C10orf90: variants seen among roughly 807,000 people sequenced by gnomAD.
C10orf90 encodes the protein chromosome 10 open reading frame 90.
C10orf90 carries 56 observed loss-of-function variants against 62.5 expected under a neutral mutation model. The ratio of observed to expected loss-of-function variants is 0.90; its 90% CI spans 0.72 to 1.12. The LOEUF is 1.12. C10orf90 is among the 50% of genes most tolerant of loss of function. The pLI is 0.00. For missense variants in C10orf90, 970 were observed against 880.4 expected, an observed-to-expected ratio of 1.10 and a Z score of -1.29; for synonymous variants, 386 against 340.4, an observed-to-expected ratio of 1.13 and a Z score of -1.47.
chr10:126,603,515 T>G (rs1184834211), intron 2 of C10orf90, among the ~76,000 whole-genome samples: 2 of 152,164 alleles, frequency 1.3e-5, no homozygotes, highest in African/African-American at 4.8e-5. Context: ...TCATCATGCA[T>G]GTCATCCGAT....
rs147430259 is a variant in C10orf90 at position 126,604,975 on chromosome 10, G to T, written c.313+41590C>A. Among the ~76,000 whole-genome samples, 478 of 152,256 alleles carry T rather than the reference G, an allele frequency of 3.1e-3. 6 individuals are homozygous for T. Among genetic ancestry groups the T allele is most frequent in the Middle Eastern group, 0.027 (8 of 292 alleles). On this transcript the variant is annotated intron_variant, in intron 2 of 9. Transcript: ENST00000488181. ...TTTGATCCCGTGCCACCCCAGGAAA[G>T]CTCAGAAAAGAAAAGCCAAAACTAG... is the stretch of plus-strand genomic sequence containing the variant.
intron 2 of C10orf90, among the ~76,000 whole-genome samples, chr10:126,595,627 A>T (rs1206849895): frequency 6.6e-6 from 1 of 152,136 alleles, no homozygotes; most frequent in African/African-American, 2.4e-5. Context: ...GCATGGACTC[A>T]CCTGCAAAAC....
intron 4 of C10orf90, among the ~76,000 whole-genome samples, chr10:126,489,770 A>G (rs1175724744): frequency 6.6e-6 from 1 of 151,356 alleles, no homozygotes; most frequent in Non-Finnish European, 1.5e-5. Context: ...ATGTACTTGC[A>G]TATCCCTTGT....
intron 2 of C10orf90, among the ~76,000 whole-genome samples, chr10:126,580,058 A>G (rs1034745998): frequency 6.6e-6 from 1 of 152,158 alleles, no homozygotes; most frequent in South Asian, 2.1e-4. Context: ...CTCCTGGGCC[A>G]TAGTGCATTT....
At chr10:126,618,826 C>T (rs1343420261) in intron 2 of C10orf90, among the ~76,000 whole-genome samples, 1 of 152,134 alleles carries the variant, frequency 6.6e-6, no homozygotes, top group Non-Finnish European at 1.5e-5. Flanking sequence ...ACCAGAGCTG[C>T]ACTTTCCCTG....
rs762197645 is a variant in C10orf90 at position 126,464,858 on chromosome 10, C to A, written c.1663G>T (p.Asp555Tyr). 4.3e-6 allele frequency: 7 copies of A among 1,614,052 alleles called. No homozygotes were observed. Among genetic ancestry groups the A allele is most frequent in the Admixed American group, 3.3e-5 (2 of 60,002 alleles). ...GAAAGGTCTCTAGACAGACAGTCAT[C>A]GCTTGGAGAGCTATCCCCAATGGGA... ...FLPIGDSSPS[D>Y]DCLSRDLSEP... The change falls in exon 5 of 10, where the codon GAT becomes TAT. Residue 555 changes from aspartate to tyrosine, a missense_variant. By Grantham distance (160) the Asp-to-Tyr change is radical (BLOSUM62 -3). Coordinates refer to ENST00000488181, the MANE Select transcript of C10orf90 (RefSeq NM_001350921.2).
intron 2 of C10orf90, among the ~76,000 whole-genome samples, chr10:126,600,638 T>C (rs2804428): frequency 0.078 from 11,884 of 152,174 alleles, 693 homozygotes; most frequent in South Asian, 0.23. Context: ...GATATCTACG[T>C]CCTCCTCTGT....
At chr10:126,599,402 G>T (rs1409136057) in intron 2 of C10orf90, among the ~76,000 whole-genome samples, 1 of 151,048 alleles carries the variant, frequency 6.6e-6, no homozygotes, top group Non-Finnish European at 1.5e-5. Flanking sequence ...GGGTTTCACC[G>T]TGTTAGCCAG....
intron 7 of C10orf90, among the ~76,000 whole-genome samples, chr10:126,442,173 T>C (rs1261502893): frequency 6.6e-6 from 1 of 151,672 alleles, no homozygotes; most frequent in Admixed American, 6.6e-5. Context: ...ACCTAAGACA[T>C]AAGGACTCAC....
At chr10:126,552,045 G>C (rs991351185) in intron 2 of C10orf90, among the ~76,000 whole-genome samples, 1 of 152,204 alleles carries the variant, frequency 6.6e-6, no homozygotes, top group Non-Finnish European at 1.5e-5. Context: ...AGAAGAACTA[G>C]GTTGTCAAAA....
intron 2 of C10orf90, among the ~76,000 whole-genome samples, chr10:126,563,166 T>C (rs1387331759): frequency 6.6e-6 from 1 of 152,228 alleles, no homozygotes. Flanking sequence ...CAGCACATGC[T>C]GGGCACGTCC....
At chr10:126,472,395 T>C (rs1860629104) in intron 4 of C10orf90, among the ~76,000 whole-genome samples, 4 of 152,192 alleles carry the variant, frequency 2.6e-5, no homozygotes, top group Admixed American at 1.3e-4. Context: ...TACATTAATA[T>C]ATGAGCTTTT....
rs772682359 is a variant in C10orf90 at position 126,456,198 on chromosome 10, G to C, written c.2188+2842C>G. On this transcript the variant is annotated intron_variant, in intron 7 of 9. Coordinates refer to ENST00000488181, the MANE Select transcript of C10orf90 (RefSeq NM_001350921.2). This position sits in a 1 kb window ranked among gnomAD's most constrained non-coding sequence, Gnocchi z 4.9. ...AAGACAAGATGTGTACTGCAGACTT[G>C]TTTAATAGGGCCTTAAACATTTCTT... 1.6e-4 allele frequency among the ~76,000 whole-genome samples: 25 copies of C among 152,204 alleles called. No individual in the cohort carries two copies. The highest frequency in any genetic ancestry group is 2.2e-4 in the Non-Finnish European group (15 of 68,038).
intron 5 of C10orf90, among the ~76,000 whole-genome samples, chr10:126,462,101 G>A (rs1011660138): frequency 3.9e-5 from 6 of 152,162 alleles, no homozygotes; most frequent in Non-Finnish European, 7.4e-5. Flanking sequence ...GCTCTTCCTG[G>A]GGCCATTTTG....
intron 2 of C10orf90, among the ~76,000 whole-genome samples, chr10:126,585,157 G>T (rs6597785): frequency 0.53 from 79,858 of 150,752 alleles, 21,795 homozygotes; most frequent in African/African-American, 0.66. Flanking sequence ...ATAAAGGTAA[G>T]GTCTGAATCC....
intron 2 of C10orf90, chr10:126,524,723 G>A (rs1361514271): frequency 1.0e-6 from 1 of 985,572 alleles, no homozygotes; most frequent in Non-Finnish European, 1.2e-6. Flanking sequence ...GCGAGGCAAG[G>A]AGTGCACGCA....
intron 2 of C10orf90, among the ~76,000 whole-genome samples, chr10:126,639,145 A>T (rs1373577196): frequency 6.6e-6 from 1 of 152,200 alleles, no homozygotes; most frequent in Non-Finnish European, 1.5e-5. Context: ...TTGCACACCC[A>T]TAGGCTCTGA....
rs757981077 is a variant in C10orf90, at chr10:126,459,060, G to A, written c.2168C>T (p.Thr723Met). The A allele has an allele frequency of 8.1e-6, 13 of 1,613,050 alleles. No homozygotes were observed. Among genetic ancestry groups the A allele is most frequent in the African/African-American group, 6.7e-5 (5 of 75,010 alleles). Residue 723 changes from threonine to methionine, a missense_variant, in exon 7 of 10, where the codon ACG becomes ATG. By Grantham distance (81) the Thr-to-Met change is moderately conservative. Transcript: ENST00000488181. ...CTTACCACTCAGAGGATGGGGAATCGTGAACTGCTTCTTGCTGGTGCGGAT... is the reference window on the plus strand; with the variant it reads ...CTTACCACTCAGAGGATGGGGAATCATGAACTGCTTCTTGCTGGTGCGGAT... Reference protein sequence around the residue: ...LPIRTSKKQFTIPHPLSDNLF... With the variant: ...LPIRTSKKQFMIPHPLSDNLF...
chr10:126,508,116 AGGGACTGCCTG>A (rs1327915559), intron 3 of C10orf90, among the ~76,000 whole-genome samples: 1 of 151,296 alleles, frequency 6.6e-6, no homozygotes, highest in Non-Finnish European at 1.5e-5. Flanking sequence ...AGTTTGCGCC[AGGGACTGCCTG>A]CATAGAAACC....
Sources: gnomAD v4.1 joint callset for allele counts (sites outside exome capture counted in the v4.1 genomes callset) on GRCh38, gnomAD v4.1.1 for gene constraint, Gnocchi (gnomAD v3.1) non-coding constraint, MANE v1.5 for transcripts, NCBI Gene and HGNC (gene_info 2026-07-23, HGNC 2026-07-21) for gene names.